Variants in PDE6A observed in about 807,000 individuals in gnomAD.
PDE6A encodes the protein rod cGMP-specific 3',5'-cyclic phosphodiesterase subunit alpha.
In PDE6A, 84 loss-of-function variants were observed where a neutral mutation model predicts 106.3. That is an observed-to-expected ratio of 0.79 (90% CI 0.66 to 0.95). PDE6A has a LOEUF of 0.95. Among genes scored for constraint, PDE6A ranks in the 40% least tolerant of loss-of-function variants. The pLI is 0.00. For synonymous variants in PDE6A, 394 were observed against 386.6 expected (o/e 1.02, Z -0.23); for missense variants, 1,052 against 1,084.9 (o/e 0.97, Z 0.43).
chr5:149,866,446 T>C, intron 19 of PDE6A, 193 bp from the exon 20 acceptor site: 1 of 550,946 alleles, frequency 1.8e-6, no homozygotes, highest in East Asian at 3.0e-5. Flanking sequence ...ATCCAGAATG[T>C]GGGAAACTGC....
chr5:149,872,393 G>T (rs2113521275), intron 17 of PDE6A, among the ~76,000 whole-genome samples: 1 of 152,272 alleles, frequency 6.6e-6, no homozygotes, highest in Middle Eastern at 3.4e-3. Flanking sequence ...AATGCACCCA[G>T]TGTCCTCATC....
Position 149,929,609 on chromosome 5 carries a change from A to AAAT in PDE6A, c.858+1418_858+1419insATT, listed in dbSNP as rs1753967518. ...GTGACAGAGCGAGACTCCGTCTCAA[A>AAAT]AAATAAATAAATAAATAAATAAATA... On this transcript the variant is annotated intron_variant, in intron 4 of 21. Coordinates refer to ENST00000255266, the MANE Select transcript of PDE6A (RefSeq NM_000440.3). Among the ~76,000 whole-genome samples, 4 of 145,392 alleles carry AAAT rather than the reference A, an allele frequency of 2.8e-5. No individual in the cohort carries two copies. The South Asian group carries it at 6.5e-4, about 24-fold the overall frequency.
At chr5:149,931,297 GA>G in intron 3 of PDE6A, 129 bp from the exon 4 acceptor site, 1 of 841,824 alleles carries the variant, frequency 1.2e-6, no homozygotes. Flanking sequence ...ATAATCCAGA[GA>G]AATAGACAGG....
chr5:149,888,036 G>A (rs2569207), intron 13 of PDE6A, among the ~76,000 whole-genome samples: 2 of 151,894 alleles, frequency 1.3e-5, no homozygotes, highest in Admixed American at 1.3e-4. Flanking sequence ...ATGTGGGAGG[G>A]TGAGGTGGGA....
rs879171832 is a variant in PDE6A at position 149,931,127 on chromosome 5, C to G, written c.759G>C (p.Thr253=). ...CTTTGTGGAACTGTCGTTCGATGTC[C>G]GTAAGTTCTTCAAAGACTTTGCTCC... ...WSGSKVFEEL[T]DIERQFHKAL... is the part of the protein sequence containing the mutation. Residue 253 remains threonine (T), a synonymous_variant, in exon 4 of 22, where the codon ACG becomes ACC. Coordinates refer to ENST00000255266, the MANE Select transcript of PDE6A (RefSeq NM_000440.3). 6.2e-7 allele frequency: 1 copy of G among 1,614,068 alleles called. No individual in the cohort carries two copies. Among genetic ancestry groups the G allele is most frequent in the Non-Finnish European group, 8.5e-7 (1 of 1,179,978 alleles).
At chr5:149,924,758 G>A (rs1465367085) in intron 4 of PDE6A, among the ~76,000 whole-genome samples, 1 of 152,218 alleles carries the variant, frequency 6.6e-6, no homozygotes, top group South Asian at 2.1e-4. Flanking sequence ...ATCCCAGAGA[G>A]AAAGGAAACC....
At position 149,896,659 on chromosome 5, in the gene PDE6A, G is replaced by A. The variant is rs1044401151; in HGVS notation, c.1473+52C>T. The A allele has an allele frequency of 6.8e-6, 11 of 1,613,830 alleles. No homozygotes were observed. In the African/African-American group the frequency reaches 1.1e-4, roughly 16 times the overall value. On this transcript the variant is annotated intron_variant, in intron 11 of 21. Coordinates refer to ENST00000255266, the MANE Select transcript of PDE6A (RefSeq NM_000440.3). ...AGGAGAAACCCCTGCATGCTCAGGA[G>A]CACTTTGCACTTGTTATACATCGGG... is the stretch of plus-strand genomic sequence containing the variant.
At chr5:149,898,297 T>A in intron 10 of PDE6A, 66 bp downstream of exon 10, 1 of 1,536,088 alleles carries the variant, frequency 6.5e-7, no homozygotes, top group Non-Finnish European at 9.0e-7. Flanking sequence ...AGTTTTGCCT[T>A]AATCTGGCCA....
chr5:149,921,344 C>CAGGAAGGA (rs369732532), intron 5 of PDE6A, among the ~76,000 whole-genome samples: 2 of 150,572 alleles, frequency 1.3e-5, no homozygotes, highest in African/African-American at 4.9e-5. Context: ...GGCAGGAAGG[C>CAGGAAGGA]AGGAAGGAAG....
Position 149,866,204 on chromosome 5 carries a change from C to A in PDE6A, c.2324G>T (p.Gly775Val), listed in dbSNP as rs1476683406. Reference sequence around the variant, plus strand: ...GAAGGTGCAAACAAAGTCAATGAAGCCGACTTGAAGCTTAGGGAGTTCATC... The same window carrying A: ...GAAGGTGCAAACAAAGTCAATGAAGACGACTTGAAGCTTAGGGAGTTCATC... ...KADELPKLQV[G>V]FIDFVCTFVY... The change falls in exon 20 of 22, where the codon GGC becomes GTC. Residue 775 changes from glycine (G) to valine (V), a missense_variant. Around this residue, in one of 3 missense-constraint regions of PDE6A, gnomAD observed 135 missense variants for 153.2 expected, o/e 0.88. Coordinates refer to ENST00000255266, the MANE Select transcript of PDE6A (RefSeq NM_000440.3). The A allele has an allele frequency of 6.2e-7, 1 of 1,614,136 alleles. No homozygotes were observed. Among genetic ancestry groups the A allele is most frequent in the East Asian group, 2.2e-5 (1 of 44,888 alleles).
intron 3 of PDE6A, chr5:149,931,963 A>T: frequency 8.2e-7 from 1 of 1,219,092 alleles, no homozygotes; most frequent in Non-Finnish European, 1.2e-6. Flanking sequence ...CAAATCTTTT[A>T]TATTTCCAGC....
chr5:149,929,836 G>A (rs918996827), intron 4 of PDE6A, among the ~76,000 whole-genome samples: 2 of 152,096 alleles, frequency 1.3e-5, no homozygotes, highest in South Asian at 2.1e-4. Context: ...TTTTGGTGGT[G>A]GTTTCATGGG....
At position 149,929,180 on chromosome 5, in the gene PDE6A, G is replaced by A. The variant is rs149035115; in HGVS notation, c.858+1848C>T. 7.0e-3 allele frequency among the ~76,000 whole-genome samples: 1,063 copies of A among 152,156 alleles called. 14 individuals are homozygous for A. The highest frequency in any genetic ancestry group is 0.024 in the African/African-American group (1,007 of 41,502). Reference sequence around the variant, plus strand: ...ATATACTAGAAGTTTCATAATAACAGTATTAATAATAGATCAGATCTGAAA... The same window carrying A: ...ATATACTAGAAGTTTCATAATAACAATATTAATAATAGATCAGATCTGAAA... On this transcript the variant is annotated intron_variant, in intron 4 of 21. Transcript: ENST00000255266.
chr5:149,896,317 AT>A, intron 12 of PDE6A, 38 bp downstream of exon 12: 1 of 1,544,326 alleles, frequency 6.5e-7, no homozygotes, highest in East Asian at 2.2e-5. Flanking sequence ...AAGAAAGAAA[AT>A]TAAAAAGGGA....
chr5:149,872,465 C>G (rs567108399), intron 17 of PDE6A, among the ~76,000 whole-genome samples: 82 of 151,236 alleles, frequency 5.4e-4, no homozygotes, highest in African/African-American at 2.0e-3. Flanking sequence ...GTGTAGAGCT[C>G]TCAAAAGCAA....
chr5:149,880,377 T>C (rs1483347877), intron 17 of PDE6A, among the ~76,000 whole-genome samples: 1 of 152,094 alleles, frequency 6.6e-6, no homozygotes, highest in Non-Finnish European at 1.5e-5. Flanking sequence ...CATTTTGAAA[T>C]GTCCAGCTAT....
intron 6 of PDE6A, among the ~76,000 whole-genome samples, chr5:149,914,682 A>G (rs1206340135): frequency 6.6e-6 from 1 of 150,990 alleles, no homozygotes; most frequent in Admixed American, 6.6e-5. Context: ...GGTAGCAGTA[A>G]CCTGACATTA....
intron 2 of PDE6A, among the ~76,000 whole-genome samples, chr5:149,934,284 T>C (rs1316294304): frequency 1.3e-5 from 2 of 152,264 alleles, no homozygotes; most frequent in Admixed American, 6.5e-5. Flanking sequence ...TGAAAAATTA[T>C]CAACATTTTA....
At chr5:149,934,445 G>A in intron 2 of PDE6A, 121 bp downstream of exon 2, 2 of 944,284 alleles carry the variant, frequency 2.1e-6, no homozygotes, top group Non-Finnish European at 3.5e-6. Flanking sequence ...AGAACATCAG[G>A]TGAATTCCCT....
Sources: gnomAD v4.1 joint callset for allele counts (sites outside exome capture counted in the v4.1 genomes callset) on GRCh38, gnomAD v4.1.1 for gene constraint, gnomAD v4.1.1 regional missense constraint, MANE v1.5 for transcripts, NCBI Gene and HGNC (gene_info 2026-07-23, HGNC 2026-07-21) for gene names.